COL5A2: variants seen among roughly 807,000 people sequenced by gnomAD.
COL5A2 encodes the protein collagen type V alpha 2 chain.
Under a neutral mutation model 208.2 loss-of-function variants are expected in COL5A2, and 23 were observed. The observed-to-expected ratio is 0.11, with a 90% CI of 0.08 to 0.16. The LOEUF (loss-of-function observed/expected upper bound fraction) is 0.16. Among genes scored for constraint, COL5A2 ranks in the 10% least tolerant of loss-of-function variants. COL5A2 has a pLI of 1.00. For synonymous variants in COL5A2, 625 were observed against 628.5 expected (o/e 0.99, Z 0.08); for missense variants, 1,590 against 1,956.4 (o/e 0.81, Z 3.53).
Position 189,080,999 on chromosome 2 carries a change from C to A in COL5A2, c.897G>T (p.Lys299Asn). The change falls in exon 13 of 54, where the codon AAG becomes AAT. Residue 299 changes from lysine to asparagine, a missense_variant. Lys to Asn is a moderately conservative substitution (Grantham distance 94). Transcript: ENST00000374866. ...AATAGATTGAACTTACTCGGTGACC[C>A]TTCAGACCTGGAAGACCAGGAGCCC... ...FPGAPGLPGLKGHRGHKGLEG... is the reference protein window; with the variant it reads ...FPGAPGLPGLNGHRGHKGLEG... The A allele has an allele frequency of 1.2e-6, 2 of 1,613,380 alleles. No homozygotes were observed. The highest frequency in any genetic ancestry group is 1.7e-6 in the Non-Finnish European group (2 of 1,179,476).
At chr2:189,395,166 C>A in the COL5A2 span, among the ~76,000 whole-genome samples, 1 of 152,250 alleles carries the variant, frequency 6.6e-6, no homozygotes, top group East Asian at 1.9e-4. Flanking sequence ...CCAAATGTAC[C>A]TAAGATTTTA....
intron 17 of COL5A2, 152 bp from the exon 18 acceptor site, chr2:189,072,245 A>AT: frequency 1.6e-6 from 1 of 645,078 alleles, no homozygotes; most frequent in Non-Finnish European, 2.8e-6. Context: ...TAATTTCATT[A>AT]TAAGTACCTT....
the COL5A2 span, among the ~76,000 whole-genome samples, chr2:189,440,918 G>A: frequency 2.6e-5 from 4 of 152,330 alleles, no homozygotes; most frequent in Admixed American, 2.0e-4. Flanking sequence ...AAGAAAGCTA[G>A]GCCCTAGGAC....
the COL5A2 span, among the ~76,000 whole-genome samples, chr2:189,232,435 C>G: frequency 6.6e-6 from 1 of 151,556 alleles, no homozygotes. Context: ...GGTTATAAAA[C>G]ACTGTATGAT....
chr2:189,035,644 C>T (rs2153506053), intron 52 of COL5A2, among the ~76,000 whole-genome samples: 1 of 152,198 alleles, frequency 6.6e-6, no homozygotes, highest in African/African-American at 2.4e-5. Flanking sequence ...GGTTTCAGCA[C>T]TCCCATTTGG....
At chr2:189,144,072 T>C (rs1687991417) in intron 1 of COL5A2, among the ~76,000 whole-genome samples, 1 of 152,156 alleles carries the variant, frequency 6.6e-6, no homozygotes, top group Non-Finnish European at 1.5e-5. Flanking sequence ...ATTTATCATC[T>C]GCAAACCAGA....
At chr2:189,080,067 G>GT (rs768843944) in intron 13 of COL5A2, 36 bp from the exon 14 acceptor site, 334 of 1,559,030 alleles carry the variant, frequency 2.1e-4, no homozygotes, top group Admixed American at 2.5e-4. Context: ...TTTGTATCCT[G>GT]TTTTTTTCAA....
At chr2:189,399,619 A>G in the COL5A2 span, among the ~76,000 whole-genome samples, 1,102 of 152,228 alleles carry the variant, frequency 7.2e-3, 15 homozygotes, top group African/African-American at 0.025. Context: ...TACATATAAT[A>G]CTTTTTAGAA....
chr2:189,298,077 G>T, the COL5A2 span, among the ~76,000 whole-genome samples: 1 of 152,076 alleles, frequency 6.6e-6, no homozygotes, highest in Non-Finnish European at 1.5e-5. Flanking sequence ...GGTAGTGATG[G>T]GACAGGAAAC....
At chr2:189,055,500 T>G (rs1237141819) in intron 35 of COL5A2, among the ~76,000 whole-genome samples, 1 of 152,164 alleles carries the variant, frequency 6.6e-6, no homozygotes, top group Non-Finnish European at 1.5e-5. Context: ...TGACTTTAAT[T>G]TTATAGATTT....
Position 189,098,641 on chromosome 2 carries a change from A to C in COL5A2, c.402+86T>G, listed in dbSNP as rs951264913. ...CCAAGTATCATTGTTTAATTCTTTT[A>C]TCTTCTCATGGATATAATATCTGTA... On this transcript the variant is annotated intron_variant, in intron 5 of 53. Transcript: ENST00000374866. 2.8e-6 allele frequency: 3 copies of C among 1,064,224 alleles called. No individual in the cohort carries two copies. The African/African-American group carries it at 4.7e-5, about 17-fold the overall frequency. The allele number at this position is 1,064,224 out of a possible 1,614,324, so 65.9% of individuals were successfully genotyped here.
chr2:189,211,912 C>G (rs1371381760), intron 1 of COL5A2, among the ~76,000 whole-genome samples: 1 of 152,130 alleles, frequency 6.6e-6, no homozygotes. Flanking sequence ...CCTCGAGCCT[C>G]TGTGATTTGA....
the COL5A2 span, among the ~76,000 whole-genome samples, chr2:189,239,229 C>T: frequency 1.3e-5 from 2 of 152,080 alleles, no homozygotes; most frequent in East Asian, 3.9e-4. Flanking sequence ...TAATGTTTAT[C>T]TTCAGATTTT....
rs144116844 is a variant in COL5A2 at position 189,224,745 on chromosome 2, T to G, written c.-42+403A>C. 2.2e-3 allele frequency among the ~76,000 whole-genome samples: 328 copies of G among 152,054 alleles called. 2 individuals carry two copies. The highest frequency in any genetic ancestry group is 3.8e-3 in the Non-Finnish European group (261 of 67,952). Reference sequence around the variant, plus strand: ...AGAAAATACAATTTTGAAGCATGAATAGCAATTCTAAGCATGACATAAGTT... The same window carrying G: ...AGAAAATACAATTTTGAAGCATGAAGAGCAATTCTAAGCATGACATAAGTT... On this transcript the variant is annotated intron_variant, in intron 1 of 10. Coordinates refer to the COL5A2 transcript ENST00000649966.
chr2:189,159,157 T>G (rs1192013337), intron 1 of COL5A2, among the ~76,000 whole-genome samples: 1 of 152,080 alleles, frequency 6.6e-6, no homozygotes, highest in Non-Finnish European at 1.5e-5. Flanking sequence ...GGAAGAAAAA[T>G]ATTTTCTTAG....
the COL5A2 span, among the ~76,000 whole-genome samples, chr2:189,435,103 T>C: frequency 1.3e-5 from 2 of 152,200 alleles, no homozygotes; most frequent in Non-Finnish European, 2.9e-5. Context: ...TAAATGGTGC[T>C]GGGAAAACTG....
intron 1 of COL5A2, among the ~76,000 whole-genome samples, chr2:189,220,425 T>C (rs369269688): frequency 2.6e-4 from 40 of 152,202 alleles, no homozygotes; most frequent in African/African-American, 9.6e-4. Flanking sequence ...AGAATTATTT[T>C]AATTGTATTT....
the COL5A2 span, among the ~76,000 whole-genome samples, chr2:189,424,728 C>T: frequency 6.6e-6 from 1 of 152,090 alleles, no homozygotes; most frequent in Non-Finnish European, 1.5e-5. Context: ...AATATTGTTA[C>T]AATGTCCACA....
At chr2:189,274,616 C>A in the COL5A2 span, among the ~76,000 whole-genome samples, 1 of 152,112 alleles carries the variant, frequency 6.6e-6, no homozygotes, top group African/African-American at 2.4e-5. Flanking sequence ...AGAATTATAG[C>A]TAACTTGGCT....
Sources: allele counts gnomAD v4.1 joint callset (sites outside exome capture counted in the v4.1 genomes callset), GRCh38; gene constraint gnomAD v4.1.1; transcripts MANE v1.5; gene names NCBI Gene and HGNC (gene_info 2026-07-23, HGNC 2026-07-21).